Variants in LGR6 observed in about 807,000 individuals in gnomAD.
LGR6 encodes the protein leucine rich repeat containing G protein-coupled receptor 6.
A neutral mutation model predicts 69.4 loss-of-function variants in LGR6; 45 were observed. The ratio of observed to expected loss-of-function variants is 0.65; its 90% CI spans 0.51 to 0.83. The LOEUF is 0.83. Among genes scored for constraint, LGR6 ranks in the 40% least tolerant of loss-of-function variants. The pLI, the probability that LGR6 is intolerant of heterozygous loss-of-function variation, is 0.00. For synonymous variants in LGR6, 538 were observed against 555.0 expected, an observed-to-expected ratio of 0.97 and a Z score of 0.43; for missense variants, 1,108 against 1,246.7, an observed-to-expected ratio of 0.89 and a Z score of 1.68.
intron 1 of LGR6, among the ~76,000 whole-genome samples, chr1:202,201,887 G>T (rs182746527): frequency 6.6e-6 from 1 of 152,184 alleles, no homozygotes; most frequent in Non-Finnish European, 1.5e-5. Context: ...TATCATCAGC[G>T]TTGATGTTGA....
rs1654274031 is a variant in LGR6 at position 202,317,942 on chromosome 1, T to C, written c.1649-10T>C. 1 of 1,590,246 alleles carries C rather than the reference T, an allele frequency of 6.3e-7. No individual in the cohort carries two copies. The highest frequency in any genetic ancestry group is 8.6e-7 in the Non-Finnish European group (1 of 1,166,298). On this transcript the variant is annotated splice_polypyrimidine_tract_variant and intron_variant, in intron 17 of 17. Coordinates refer to ENST00000367278, the MANE Select transcript of LGR6 (RefSeq NM_001017403.2). ...TCTGGCCCAGGGTTAATGTCTGATC[T>C]CTCCTACAGGCCCCTTCAAGCCCTG...
intron 16 of LGR6, among the ~76,000 whole-genome samples, chr1:202,311,171 T>C (rs144227844): frequency 1.3e-5 from 2 of 152,150 alleles, no homozygotes; most frequent in East Asian, 3.9e-4. Context: ...GTATTCTTTT[T>C]CCATCTCTAA....
chr1:202,263,410 C>T (rs575272185), intron 4 of LGR6, among the ~76,000 whole-genome samples: 1 of 152,318 alleles, frequency 6.6e-6, no homozygotes, highest in South Asian at 2.1e-4. Context: ...CCACATGAGC[C>T]ACCGCGCCCG....
intron 4 of LGR6, among the ~76,000 whole-genome samples, chr1:202,263,215 C>T (rs533906338): frequency 2.0e-5 from 3 of 152,150 alleles, no homozygotes; most frequent in South Asian, 2.1e-4. Flanking sequence ...CTCCGCCTCC[C>T]GGGTTCAAGC....
At chr1:202,254,073 G>A (rs1663543852) in intron 4 of LGR6, among the ~76,000 whole-genome samples, 2 of 152,004 alleles carry the variant, frequency 1.3e-5, no homozygotes, top group South Asian at 4.2e-4. Context: ...CCAAAGTGCT[G>A]GGATTACAGG....
At position 202,216,102 on chromosome 1, in the gene LGR6, G is replaced by A. The variant is rs141665009; in HGVS notation, c.213-9321G>A. 9.8e-5 allele frequency among the ~76,000 whole-genome samples: 15 copies of A among 152,356 alleles called. No individual in the cohort carries two copies. In the East Asian group the frequency reaches 1.9e-3, roughly 20 times the overall value. ...TTCGTCACCTAGCATAGTGCCTGAT[G>A]TATACTAGGTGCTCAATAAATGTTG... On this transcript the variant is annotated intron_variant, in intron 1 of 17. Transcript: ENST00000367278.
At chr1:202,251,504 G>C (rs1376337261) in intron 4 of LGR6, among the ~76,000 whole-genome samples, 3 of 152,140 alleles carry the variant, frequency 2.0e-5, no homozygotes, top group Admixed American at 6.5e-5. Flanking sequence ...GGGGTATGGG[G>C]GGCAGGAGAG....
At chr1:202,247,244 A>G (rs1256769882) in intron 4 of LGR6, among the ~76,000 whole-genome samples, 1 of 151,976 alleles carries the variant, frequency 6.6e-6, no homozygotes, top group African/African-American at 2.4e-5. Flanking sequence ...GGTCAGCAGC[A>G]TCGGCGTCAC....
chr1:202,318,321 G>A lies in LGR6; in HGVS notation c.2018G>A (p.Cys673Tyr), dbSNP rs774513685. ...AAVQCSVSVS[C>Y]VRAYGKSPSL... is the part of the protein sequence containing the mutation. Reference sequence around the variant, plus strand: ...GTGCAGTGCAGCGTCTCCGTCTCCTGTGTCCGGGCCTATGGGAAGTCCCCC... The same window carrying A: ...GTGCAGTGCAGCGTCTCCGTCTCCTATGTCCGGGCCTATGGGAAGTCCCCC... The change falls in exon 18 of 18, where the codon TGT becomes TAT. Residue 673 changes from cysteine (C) to tyrosine (Y), a missense_variant. Physicochemically the swap from Cys to Tyr is radical, Grantham distance 194 (BLOSUM62 -2). Transcript: ENST00000367278. 1.9e-6 allele frequency: 3 copies of A among 1,593,940 alleles called. No homozygotes were observed. The Admixed American group carries it at 5.1e-5, about 27-fold the overall frequency.
Position 202,276,514 on chromosome 1 carries a change from G to T in LGR6, c.637G>T (p.Val213Leu). 1 of 1,612,772 alleles carries T rather than the reference G, an allele frequency of 6.2e-7. No homozygotes were observed. Among genetic ancestry groups the T allele is most frequent in the Non-Finnish European group, 8.5e-7 (1 of 1,179,238 alleles). Residue 213 changes from valine (V) to leucine (L), a missense_variant, in exon 5 of 18, where the codon GTG (valine) becomes TTG (leucine). Val to Leu is a conservative substitution (Grantham distance 32, BLOSUM62 1). Transcript: ENST00000367278. ...CGCGTTCCAGAATCTCACCAGCCTT[G>T]TGGTGCTGTGAGTGCTGCTCTGTTC... ...DYAFQNLTSLVVLHLHNNRIQ... is the reference protein window; with the variant it reads ...DYAFQNLTSLLVLHLHNNRIQ...
At chr1:202,223,586 G>A (rs1484481542) in intron 1 of LGR6, among the ~76,000 whole-genome samples, 1 of 151,992 alleles carries the variant, frequency 6.6e-6, no homozygotes, top group African/African-American at 2.4e-5. Flanking sequence ...TCTGGTCTGA[G>A]CCCACCTCTG....
chr1:202,236,939 GA>G, intron 4 of LGR6, among the ~76,000 whole-genome samples: 1 of 152,204 alleles, frequency 6.6e-6, no homozygotes, highest in Admixed American at 6.5e-5. Context: ...AATGAGGTGG[GA>G]AAAGGTGACT....
At chr1:202,307,046 C>A in intron 13 of LGR6, 107 bp downstream of exon 13, 1 of 958,316 alleles carries the variant, frequency 1.0e-6, no homozygotes, top group Admixed American at 1.9e-5. Flanking sequence ...ATGTGACATG[C>A]ACATCGCCTC....
chr1:202,215,283 G>C (rs573255688), intron 1 of LGR6, among the ~76,000 whole-genome samples: 1 of 152,274 alleles, frequency 6.6e-6, no homozygotes, highest in East Asian at 1.9e-4. Context: ...CCCAATCCTT[G>C]TGCACCCTAG....
Position 202,318,185 on chromosome 1 carries a change from C to T in LGR6, c.1882C>T (p.Gln628Ter). The T allele has an allele frequency of 6.2e-7, 1 of 1,613,522 alleles. No homozygotes were observed. Among genetic ancestry groups the T allele is most frequent in the Non-Finnish European group, 8.5e-7 (1 of 1,179,986 alleles). Reference sequence around the variant, plus strand: ...CTCAGTCGATGCCCTGACCTTTGGTCAGTTCTCTGAGTACGGAGCCCGCTG... The same window carrying T: ...CTCAGTCGATGCCCTGACCTTTGGTTAGTTCTCTGAGTACGGAGCCCGCTG... The part of the protein sequence containing the change: ...LASVDALTFG[Q>*]FSEYGARWET... The change falls in exon 18 of 18, where the codon CAG becomes TAG. Residue 628 changes from glutamine (Q) to a stop codon, truncating the protein, a stop_gained. Transcript: ENST00000367278. LOFTEE classifies it low-confidence loss of function (END_TRUNC).
intron 7 of LGR6, among the ~76,000 whole-genome samples, chr1:202,299,597 G>A (rs1377016024): frequency 6.6e-6 from 1 of 152,116 alleles, no homozygotes; most frequent in African/African-American, 2.4e-5. Context: ...CTCAGAGCTT[G>A]GCCCAACATT....
chr1:202,280,929 C>T, intron 6 of LGR6, 77 bp downstream of exon 6: 5 of 1,362,292 alleles, frequency 3.7e-6, no homozygotes, highest in Non-Finnish European at 5.1e-6. Flanking sequence ...AGGGAGCACA[C>T]AGAGGGAAGA....
chr1:202,236,122 C>T (rs1006155755), intron 4 of LGR6, 129 bp downstream of exon 4: 6 of 705,954 alleles, frequency 8.5e-6, no homozygotes, highest in Non-Finnish European at 1.2e-5. Context: ...TTCCAGACAG[C>T]ATGCCGCTCC....
intron 4 of LGR6, among the ~76,000 whole-genome samples, chr1:202,253,397 G>A (rs955334685): frequency 6.6e-6 from 1 of 151,844 alleles, no homozygotes; most frequent in African/African-American, 2.4e-5. Context: ...CCGCCTCCTG[G>A]GTTCAAGCTA....
Sources: gnomAD v4.1 joint callset for allele counts (sites outside exome capture counted in the v4.1 genomes callset) on GRCh38, gnomAD v4.1.1 for gene constraint, MANE v1.5 for transcripts, NCBI Gene and HGNC (gene_info 2026-07-23, HGNC 2026-07-21) for gene names.